Variants in RBFOX1 observed in about 807,000 individuals in gnomAD.
The protein encoded by RBFOX1 is RNA binding fox-1 homolog 1, also known as RNA binding protein fox-1 homolog 1.
In RBFOX1, 8 loss-of-function variants were observed where a neutral mutation model predicts 57.7. The observed-to-expected ratio is 0.14, with a 90% CI of 0.08 to 0.25. The LOEUF (loss-of-function observed/expected upper bound fraction) is 0.25, where lower values mean the gene tolerates loss of function less well. Among genes scored for constraint, RBFOX1 ranks in the 10% least tolerant of loss-of-function variants. The pLI is 1.00. For synonymous variants in RBFOX1, 326 were observed against 222.4 expected (o/e 1.47, Z -4.15); for missense variants, 611 against 548.5 (o/e 1.11, Z -1.14).
intron 4 of RBFOX1, among the ~76,000 whole-genome samples, chr16:7,127,237 A>G (rs995054714): frequency 6.6e-6 from 1 of 152,158 alleles, no homozygotes; most frequent in Non-Finnish European, 1.5e-5. Context: ...AGCATTCTCC[A>G]TACTTTCCTG....
At chr16:7,313,261 T>G (rs911049633) in intron 4 of RBFOX1, among the ~76,000 whole-genome samples, 10 of 152,174 alleles carry the variant, frequency 6.6e-5, no homozygotes, top group African/African-American at 2.2e-4. Flanking sequence ...TTTGTTTGTT[T>G]GTTTGCTCTC....
chr16:5,539,270 C>G (rs1357683648), intron 2 of RBFOX1, among the ~76,000 whole-genome samples: 3 of 152,072 alleles, frequency 2.0e-5, no homozygotes, highest in Non-Finnish European at 2.9e-5. Flanking sequence ...CCTTGTGTCC[C>G]TACTCATTTG....
At chr16:7,532,495 G>A (rs1396255818) in intron 5 of RBFOX1, among the ~76,000 whole-genome samples, 2 of 152,198 alleles carry the variant, frequency 1.3e-5, no homozygotes. Flanking sequence ...CCTAGGAAAA[G>A]GGAGGACGTG....
chr16:5,767,556 C>G (rs528956390), intron 3 of RBFOX1, among the ~76,000 whole-genome samples: 1 of 152,148 alleles, frequency 6.6e-6, no homozygotes, highest in Non-Finnish European at 1.5e-5. Context: ...ACGAACCCTG[C>G]GTGAGTTTCC....
At chr16:6,220,683 TA>T (rs1481295091) in intron 1 of RBFOX1, among the ~76,000 whole-genome samples, 2 of 151,058 alleles carry the variant, frequency 1.3e-5, no homozygotes, top group Non-Finnish European at 3.0e-5. Flanking sequence ...ACTGTAGATG[TA>T]TTTTTCATTA....
chr16:6,749,045 A>G (rs1322515058), intron 3 of RBFOX1: 2 of 152,218 alleles, frequency 1.3e-5, no homozygotes, highest in African/African-American at 4.8e-5. Context: ...GGAGGAGCCA[A>G]TCTGGGTATT....
At chr16:5,425,600 G>A (rs1050263952) in intron 1 of RBFOX1, among the ~76,000 whole-genome samples, 3 of 152,208 alleles carry the variant, frequency 2.0e-5, no homozygotes, top group African/African-American at 2.4e-5. Context: ...CCACATCCAA[G>A]AAAGAGAGAA....
intron 1 of RBFOX1, among the ~76,000 whole-genome samples, chr16:5,398,676 G>T (rs1184930643): frequency 6.6e-6 from 1 of 152,102 alleles, no homozygotes; most frequent in Non-Finnish European, 1.5e-5. Context: ...AGGATAGCAA[G>T]GTTGACAGTG....
intron 3 of RBFOX1, among the ~76,000 whole-genome samples, chr16:5,744,929 C>T (rs1299870369): frequency 1.3e-5 from 2 of 152,070 alleles, no homozygotes; most frequent in Non-Finnish European, 2.9e-5. Flanking sequence ...TGCACTGCCA[C>T]GCCTGGCTAA....
chr16:7,486,278 C>G (rs12935242), intron 4 of RBFOX1, among the ~76,000 whole-genome samples: 53,665 of 151,306 alleles, frequency 0.35, 11,745 homozygotes, highest in Non-Finnish European at 0.5. Flanking sequence ...CTCCTGAGAA[C>G]CTGCCACCAC....
intron 4 of RBFOX1, among the ~76,000 whole-genome samples, chr16:5,908,247 T>C (rs1293036190): frequency 2.0e-5 from 3 of 147,548 alleles, no homozygotes; most frequent in East Asian, 2.0e-4. Context: ...TACATATACA[T>C]ACACACACAT....
chr16:5,406,213 G>T (rs1265688330), intron 1 of RBFOX1, among the ~76,000 whole-genome samples: 1 of 152,262 alleles, frequency 6.6e-6, no homozygotes, highest in African/African-American at 2.4e-5. Flanking sequence ...TATTGTCCCT[G>T]GGGTGATGGC....
At chr16:6,923,048 C>T (rs1105529) in intron 3 of RBFOX1, among the ~76,000 whole-genome samples, 38,591 of 152,054 alleles carry the variant, frequency 0.25, 4,984 homozygotes, top group Middle Eastern at 0.32. Flanking sequence ...GCAGTACCGT[C>T]GGCTGTTTAT....
At chr16:7,189,588 T>C (rs13338947) in intron 4 of RBFOX1, among the ~76,000 whole-genome samples, 35,026 of 126,378 alleles carry the variant, frequency 0.28, 4,358 homozygotes, top group African/African-American at 0.4. Context: ...CACACACACA[T>C]ACACACACAA....
chr16:5,318,328 C>T (rs1012360958), intron 1 of RBFOX1, among the ~76,000 whole-genome samples: 5 of 151,994 alleles, frequency 3.3e-5, no homozygotes, highest in Non-Finnish European at 5.9e-5. Flanking sequence ...GGGGTTTTGC[C>T]ATATCGGCCA....
intron 11 of RBFOX1, among the ~76,000 whole-genome samples, chr16:7,643,868 C>A (rs1021330279): frequency 1.3e-5 from 2 of 152,134 alleles, no homozygotes; most frequent in South Asian, 2.1e-4. Flanking sequence ...CGGGCACACA[C>A]ACAGACCCTC....
At chr16:7,309,491 C>T (rs1275949039) in intron 4 of RBFOX1, among the ~76,000 whole-genome samples, 1 of 152,232 alleles carries the variant, frequency 6.6e-6, no homozygotes, top group African/African-American at 2.4e-5. Context: ...TGTGTTATAA[C>T]ATGCAACTGG....
intron 3 of RBFOX1, among the ~76,000 whole-genome samples, chr16:6,830,889 A>G (rs1050981561): frequency 3.3e-5 from 5 of 152,194 alleles, no homozygotes; most frequent in African/African-American, 1.2e-4. Context: ...CCTCCTGGTC[A>G]GGTTGACATT....
At chr16:6,473,853 T>C (rs1248019332) in intron 2 of RBFOX1, among the ~76,000 whole-genome samples, 3 of 152,194 alleles carry the variant, frequency 2.0e-5, no homozygotes, top group African/African-American at 7.2e-5. Context: ...CACACTTGGC[T>C]TTCTCTGATT....
Sources: allele counts gnomAD v4.1 joint callset (sites outside exome capture counted in the v4.1 genomes callset), GRCh38; gene constraint gnomAD v4.1.1; transcripts MANE v1.5; gene names NCBI Gene and HGNC (gene_info 2026-07-23, HGNC 2026-07-21).